LYN: variants seen among roughly 807,000 people sequenced by gnomAD.
LYN encodes tyrosine-protein kinase Lyn.
LYN carries 12 observed loss-of-function variants against 65.0 expected under a neutral mutation model. The observed-to-expected ratio is 0.18, with a 90% confidence interval of 0.12 to 0.30. The LOEUF is 0.30. Ranked by LOEUF, LYN falls within the 10% of genes least tolerant of loss-of-function variation. The pLI, the probability that LYN is intolerant of heterozygous loss-of-function variation, is 1.00. For synonymous variants in LYN, 222 were observed against 221.2 expected (o/e 1.00, Z -0.03); for missense variants, 380 against 623.2 (o/e 0.61, Z 4.16).
At chr8:55,994,817 CGG>C (rs1808332383) in intron 10 of LYN, among the ~76,000 whole-genome samples, 1 of 152,040 alleles carries the variant, frequency 6.6e-6, no homozygotes, top group Non-Finnish European at 1.5e-5. Context: ...GGAGTGGAGC[CGG>C]GAGGCTGGGA....
chr8:55,922,164 T>C (rs933414702), intron 1 of LYN, among the ~76,000 whole-genome samples: 1 of 152,196 alleles, frequency 6.6e-6, no homozygotes, highest in African/African-American at 2.4e-5. Context: ...CACAGCTCGC[T>C]ACAGCCTCAA....
At chr8:55,902,613 A>C (rs866476562) in intron 1 of LYN, 20 of 322,562 alleles carry the variant, frequency 6.2e-5, no homozygotes, top group African/African-American at 2.9e-4. Context: ...CAAAAAAAAA[A>C]CAACAACAAC....
At chr8:55,979,742 A>T (rs949238473) in intron 10 of LYN, among the ~76,000 whole-genome samples, 3 of 152,150 alleles carry the variant, frequency 2.0e-5, no homozygotes, top group Non-Finnish European at 4.4e-5. Flanking sequence ...GCGTCACCCC[A>T]GGAAATGGTG....
At chr8:55,975,138 T>C (rs546907806) in intron 10 of LYN, among the ~76,000 whole-genome samples, 1 of 152,300 alleles carries the variant, frequency 6.6e-6, no homozygotes, top group South Asian at 2.1e-4. Context: ...AGGGGCCACA[T>C]AGTGGTCAGG....
chr8:55,902,280 T>C (rs1648432539), intron 1 of LYN, among the ~76,000 whole-genome samples: 1 of 151,948 alleles, frequency 6.6e-6, no homozygotes, highest in Non-Finnish European at 1.5e-5. Context: ...AGTGCTGGGA[T>C]GATAGGCGTG....
rs767953650 is a variant in LYN, at chr8:55,951,960, C to T, written c.488-6C>T. 1.2e-6 allele frequency: 2 copies of T among 1,609,064 alleles called. No individual in the cohort carries two copies. Among genetic ancestry groups the T allele is most frequent in the South Asian group, 1.1e-5 (1 of 89,854 alleles). On this transcript the variant is annotated splice_region_variant and splice_polypyrimidine_tract_variant and intron_variant, in intron 6 of 12. Transcript: ENST00000519728. The stretch of plus-strand genomic sequence containing the variant: ...TAAACATTTACTTACACTTTTCCCC[C>T]CATAGGAAGCTTCTCTCTGTCTGTC...
intron 1 of LYN, among the ~76,000 whole-genome samples, chr8:55,922,765 C>CAAAA (rs575010862): frequency 0.021 from 2,804 of 136,482 alleles, 29 homozygotes; most frequent in Non-Finnish European, 0.031. Context: ...GAAATTCCAT[C>CAAAA]AAAAAAAAAA....
At chr8:55,997,975 T>C (rs1403772118) in intron 10 of LYN, among the ~76,000 whole-genome samples, 1 of 152,178 alleles carries the variant, frequency 6.6e-6, no homozygotes, top group Non-Finnish European at 1.5e-5. Context: ...TCCCAGCTAC[T>C]CGGGAGGCTG....
At chr8:55,920,321 A>G (rs1341215664) in intron 1 of LYN, among the ~76,000 whole-genome samples, 1 of 152,190 alleles carries the variant, frequency 6.6e-6, no homozygotes. Context: ...ATTCCCATTC[A>G]TAAAGCCTCT....
chr8:55,900,539 ATT>A (rs5891598), intron 1 of LYN, among the ~76,000 whole-genome samples: 5,133 of 126,336 alleles, frequency 0.041, 277 homozygotes, highest in African/African-American at 0.14. Flanking sequence ...TGCCCAGCTA[ATT>A]TTTTTTTTTT....
intron 8 of LYN, among the ~76,000 whole-genome samples, chr8:55,956,028 TAAAC>T (rs1807098112): frequency 6.6e-6 from 1 of 152,242 alleles, no homozygotes; most frequent in Admixed American, 6.5e-5. Flanking sequence ...CTCTTGTGTA[TAAAC>T]CTAGGAGTTC....
chr8:55,975,802 C>CT (rs1285970295), intron 10 of LYN, among the ~76,000 whole-genome samples: 326 of 16,810 alleles, frequency 0.019, 1 homozygote, highest in East Asian at 0.036. Flanking sequence ...AACAGGAACT[C>CT]TTTTTTTTTT....
At chr8:55,999,863 C>G (rs1030057391) in intron 12 of LYN, among the ~76,000 whole-genome samples, 3 of 151,932 alleles carry the variant, frequency 2.0e-5, no homozygotes, top group African/African-American at 7.3e-5. Context: ...CCCAGCTACT[C>G]GGGAGGCTGA....
chr8:55,927,998 T>C (rs1292489618), intron 1 of LYN, among the ~76,000 whole-genome samples: 1 of 152,216 alleles, frequency 6.6e-6, no homozygotes, highest in African/African-American at 2.4e-5. Context: ...AAGACTGTCT[T>C]CCAGAATGGT....
intron 1 of LYN, among the ~76,000 whole-genome samples, chr8:55,899,504 T>C (rs1224456386): frequency 6.6e-6 from 1 of 152,222 alleles, no homozygotes; most frequent in Non-Finnish European, 1.5e-5. Flanking sequence ...CTGGGAAATG[T>C]ATAATAAATA....
chr8:55,908,208 T>G (rs1466691885), intron 1 of LYN, among the ~76,000 whole-genome samples: 1 of 148,882 alleles, frequency 6.7e-6, no homozygotes, highest in African/African-American at 2.5e-5. Context: ...CCCAGACAGC[T>G]AAGCTGTTTA....
intron 1 of LYN, among the ~76,000 whole-genome samples, chr8:55,907,624 T>C (rs1040488452): frequency 2.0e-5 from 3 of 152,172 alleles, no homozygotes; most frequent in Admixed American, 2.0e-4. Context: ...CCCAGGACTT[T>C]GAGAGACCCA....
intron 1 of LYN, among the ~76,000 whole-genome samples, chr8:55,926,137 T>C (rs1293456606): frequency 6.6e-6 from 1 of 152,238 alleles, no homozygotes; most frequent in Non-Finnish European, 1.5e-5. Flanking sequence ...AGCTTTAACA[T>C]AAAACAGCAG....
chr8:55,999,863 C>T (rs1030057391), intron 12 of LYN, among the ~76,000 whole-genome samples: 4 of 151,932 alleles, frequency 2.6e-5, no homozygotes, highest in Non-Finnish European at 5.9e-5. Flanking sequence ...CCCAGCTACT[C>T]GGGAGGCTGA....
Sources: allele counts gnomAD v4.1 joint callset (sites outside exome capture counted in the v4.1 genomes callset), GRCh38; gene constraint gnomAD v4.1.1; transcripts MANE v1.5; gene names NCBI Gene and HGNC (gene_info 2026-07-23, HGNC 2026-07-21).